The following C12orf42 variants were observed in gnomAD, a reference collection of about 807,000 sequenced individuals.
C12orf42 encodes the protein uncharacterized protein C12orf42.
Under a neutral mutation model 21.6 loss-of-function variants are expected in C12orf42, and 25 were observed. The observed-to-expected ratio is 1.16, with a 90% CI of 0.84 to 1.62. The LOEUF (loss-of-function observed/expected upper bound fraction) is 1.62. Among genes scored for constraint, C12orf42 ranks in the 40% most tolerant of loss-of-function variants. C12orf42 has a pLI of 0.00. For missense variants in C12orf42, 483 were observed against 459.3 expected, an observed-to-expected ratio of 1.05 and a Z score of -0.47; for synonymous variants, 174 against 175.0, an observed-to-expected ratio of 0.99 and a Z score of 0.05.
At chr12:103,144,121 AT>A in the C12orf42 span, among the ~76,000 whole-genome samples, 3 of 152,164 alleles carry the variant, frequency 2.0e-5, no homozygotes, top group Non-Finnish European at 4.4e-5. Flanking sequence ...AACTTGGGAG[AT>A]GCCTATTTAT....
At chr12:103,229,406 A>C in the C12orf42 span, among the ~76,000 whole-genome samples, 1 of 152,176 alleles carries the variant, frequency 6.6e-6, no homozygotes. Flanking sequence ...AAAAACACAA[A>C]AGCAAGGCAG....
chr12:103,464,260 G>A (rs534240639), intron 2 of C12orf42, among the ~76,000 whole-genome samples: 19 of 152,174 alleles, frequency 1.2e-4, no homozygotes, highest in Non-Finnish European at 2.2e-4. Flanking sequence ...TTTTATAATT[G>A]CCATTCTGAC....
intron 2 of C12orf42, among the ~76,000 whole-genome samples, chr12:103,454,378 A>G (rs1405884108): frequency 1.3e-5 from 2 of 152,140 alleles, no homozygotes; most frequent in Non-Finnish European, 2.9e-5. Flanking sequence ...ATCTTAAGTC[A>G]TTAAGAAAGA....
chr12:103,056,254 A>G, the C12orf42 span, among the ~76,000 whole-genome samples: 1 of 152,126 alleles, frequency 6.6e-6, no homozygotes, highest in African/African-American at 2.4e-5. Context: ...TTGCTATGCC[A>G]TCTTTACTTT....
the C12orf42 span, among the ~76,000 whole-genome samples, chr12:103,157,544 A>C: frequency 2.6e-5 from 4 of 152,330 alleles, no homozygotes; most frequent in African/African-American, 9.6e-5. Context: ...GTCTTTGCCC[A>C]TGCCTATGTC....
At chr12:103,218,829 T>C in the C12orf42 span, among the ~76,000 whole-genome samples, 25 of 152,126 alleles carry the variant, frequency 1.6e-4, no homozygotes, top group Non-Finnish European at 3.1e-4. Context: ...TTGCAAAAAA[T>C]TAAAAAATAA....
At chr12:103,083,491 C>T in the C12orf42 span, among the ~76,000 whole-genome samples, 1 of 152,178 alleles carries the variant, frequency 6.6e-6, no homozygotes, top group Non-Finnish European at 1.5e-5. Context: ...ATGTGTGAGG[C>T]AAGGCCAAAC....
chr12:103,199,978 A>C, the C12orf42 span, among the ~76,000 whole-genome samples: 1 of 152,202 alleles, frequency 6.6e-6, no homozygotes, highest in Non-Finnish European at 1.5e-5. Flanking sequence ...TTCATTCTTG[A>C]GTATGGATGC....
the C12orf42 span, among the ~76,000 whole-genome samples, chr12:103,059,429 G>A: frequency 5.3e-5 from 8 of 152,162 alleles, no homozygotes; most frequent in Admixed American, 2.0e-4. Flanking sequence ...TCCTTCTGAA[G>A]CTATTCCAAA....
chr12:103,479,837 T>C (rs550906124), intron 1 of C12orf42, among the ~76,000 whole-genome samples: 1 of 152,054 alleles, frequency 6.6e-6, no homozygotes, highest in Non-Finnish European at 1.5e-5. Flanking sequence ...TGGATGGTGC[T>C]AAATTTTGTT....
chr12:103,284,523 C>T (rs1405774475), intron 4 of C12orf42, among the ~76,000 whole-genome samples: 1 of 152,092 alleles, frequency 6.6e-6, no homozygotes, highest in Non-Finnish European at 1.5e-5. Context: ...CTAGCAATAC[C>T]CAGACCACAA....
the C12orf42 span, among the ~76,000 whole-genome samples, chr12:103,207,069 G>A: frequency 6.6e-6 from 1 of 152,146 alleles, no homozygotes; most frequent in Non-Finnish European, 1.5e-5. Context: ...AAGGAAATGC[G>A]ACATGTGCCT....
At chr12:103,517,388 C>G in the C12orf42 span, among the ~76,000 whole-genome samples, 1 of 152,178 alleles carries the variant, frequency 6.6e-6, no homozygotes, top group Non-Finnish European at 1.5e-5. Flanking sequence ...GAGAAGCATA[C>G]AGTCTGCAGC....
intron 4 of C12orf42, among the ~76,000 whole-genome samples, chr12:103,351,201 G>C (rs1423877007): frequency 6.6e-6 from 1 of 152,096 alleles, no homozygotes; most frequent in Non-Finnish European, 1.5e-5. Flanking sequence ...AACAAGTTGA[G>C]GTGTAAGCAG....
the C12orf42 span, among the ~76,000 whole-genome samples, chr12:103,192,905 A>G: frequency 2.6e-5 from 4 of 152,356 alleles, no homozygotes; most frequent in East Asian, 7.7e-4. Flanking sequence ...TAACAATTAT[A>G]TACAGAACAT....
chr12:103,093,640 C>G, the C12orf42 span, among the ~76,000 whole-genome samples: 1 of 152,186 alleles, frequency 6.6e-6, no homozygotes, highest in Non-Finnish European at 1.5e-5. Flanking sequence ...ACATTCAGGA[C>G]TTGCACAGCC....
chr12:103,336,472 T>C (rs2041707227), intron 4 of C12orf42, among the ~76,000 whole-genome samples: 1 of 152,200 alleles, frequency 6.6e-6, no homozygotes, highest in Non-Finnish European at 1.5e-5. Context: ...TTCTCATGTA[T>C]TTACAAAGAG....
chr12:103,376,778 A>G (rs1437991302), intron 3 of C12orf42, among the ~76,000 whole-genome samples: 1 of 152,044 alleles, frequency 6.6e-6, no homozygotes, highest in Admixed American at 6.6e-5. Context: ...TTCTTTCATT[A>G]TACTGGGCAC....
chr12:103,546,253 T>C, the C12orf42 span, among the ~76,000 whole-genome samples: 4,442 of 152,232 alleles, frequency 0.029, 115 homozygotes, highest in East Asian at 0.12. Flanking sequence ...GCAAAGTAAA[T>C]TATATAGATT....
Sources: allele counts gnomAD v4.1 joint callset (sites outside exome capture counted in the v4.1 genomes callset), GRCh38; gene constraint gnomAD v4.1.1; transcripts MANE v1.5; gene names NCBI Gene and HGNC (gene_info 2026-07-23, HGNC 2026-07-21).